Variants in ODAD2 observed in about 807,000 individuals in gnomAD.
ODAD2 encodes outer dynein arm-docking complex subunit 2.
A neutral mutation model predicts 106.8 loss-of-function variants in ODAD2; 89 were observed. The ratio of observed to expected loss-of-function variants is 0.83; its 90% CI spans 0.70 to 0.99. The LOEUF (loss-of-function observed/expected upper bound fraction) is 0.99. Ranked by LOEUF, ODAD2 falls within the 50% of genes least tolerant of loss-of-function variation. The pLI is 0.00. For missense variants in ODAD2, 1,168 were observed against 1,238.5 expected (o/e 0.94, Z 0.85); for synonymous variants, 404 against 436.2 (o/e 0.93, Z 0.92).
intron 17 of ODAD2, among the ~76,000 whole-genome samples, chr10:27,900,340 T>A (rs1240798423): frequency 6.6e-6 from 1 of 152,120 alleles, no homozygotes; most frequent in African/African-American, 2.4e-5. Flanking sequence ...CAAAGGTAGA[T>A]AAATCCACAA....
At chr10:27,860,196 A>C (rs1052339080) in intron 19 of ODAD2, among the ~76,000 whole-genome samples, 1 of 152,188 alleles carries the variant, frequency 6.6e-6, no homozygotes, top group African/African-American at 2.4e-5. Context: ...TCACTCCTGT[A>C]ATCCCAACAC....
chr10:27,833,635 A>C (rs1480936977), intron 19 of ODAD2, among the ~76,000 whole-genome samples: 2 of 152,340 alleles, frequency 1.3e-5, no homozygotes, highest in East Asian at 3.9e-4. Context: ...GTGTGGGACA[A>C]AAAATTGGGG....
intron 17 of ODAD2, among the ~76,000 whole-genome samples, chr10:27,885,527 A>ATATAT (rs1564465114): frequency 1.0e-4 from 2 of 19,144 alleles, no homozygotes; most frequent in African/African-American, 3.8e-4. Context: ...AAAAAAAAAA[A>ATATAT]AAAAAAATAT....
intron 10 of ODAD2, among the ~76,000 whole-genome samples, chr10:27,958,126 T>C (rs1021101508): frequency 1.3e-5 from 2 of 152,222 alleles, no homozygotes; most frequent in Admixed American, 6.5e-5. Flanking sequence ...ATGTGAAGAA[T>C]ATTTACCTGT....
chr10:27,871,710 T>C (rs1482462496), intron 17 of ODAD2, among the ~76,000 whole-genome samples: 3 of 152,188 alleles, frequency 2.0e-5, no homozygotes, highest in Non-Finnish European at 1.5e-5. Context: ...GTTCCATTGG[T>C]CTATATCTCT....
At chr10:27,961,150 T>G (rs986960405) in intron 10 of ODAD2, among the ~76,000 whole-genome samples, 2 of 152,308 alleles carry the variant, frequency 1.3e-5, no homozygotes, top group African/African-American at 4.8e-5. Context: ...GTATATTAAT[T>G]TTATTCTATG....
At chr10:27,901,081 C>G (rs1396659824) in intron 17 of ODAD2, among the ~76,000 whole-genome samples, 2 of 152,160 alleles carry the variant, frequency 1.3e-5, no homozygotes, top group Non-Finnish European at 2.9e-5. Context: ...GGGTTACCCA[C>G]AAAGGGAAGC....
intron 16 of ODAD2, among the ~76,000 whole-genome samples, chr10:27,923,589 A>G (rs997521163): frequency 1.3e-5 from 2 of 152,158 alleles, no homozygotes; most frequent in African/African-American, 2.4e-5. Context: ...ATAAGATAGA[A>G]GACATAAGTA....
intron 17 of ODAD2, among the ~76,000 whole-genome samples, chr10:27,891,142 G>A (rs1424132078): frequency 6.6e-6 from 1 of 152,160 alleles, no homozygotes; most frequent in African/African-American, 2.4e-5. Context: ...AACAGAGGGT[G>A]ATGTCAAATT....
In ODAD2 at chr10:27,995,095, A is replaced by C; in HGVS notation, c.48T>G (p.His16Gln). The C allele has an allele frequency of 6.2e-7, 1 of 1,614,152 alleles. No individual in the cohort carries two copies. The highest frequency in any genetic ancestry group is 1.1e-5 in the South Asian group (1 of 91,078). ...GGGTGATTTCGAGGATTCCAGTTCC[A>C]TGTCCGGCAGCAGTCCACTGCGTCA... ...RKLTQWTAAG[H>Q]GTGILEITPL... The change falls in exon 2 of 20, where the codon CAT becomes CAG. Residue 16 changes from histidine to glutamine, a missense_variant. His to Gln is a conservative substitution (Grantham distance 24). Transcript: ENST00000305242.
At chr10:27,861,082 C>T (rs565871655) in intron 18 of ODAD2, among the ~76,000 whole-genome samples, 1 of 152,262 alleles carries the variant, frequency 6.6e-6, no homozygotes, top group African/African-American at 2.4e-5. Context: ...AGCTCGGCCT[C>T]CTGGATTCAA....
intron 16 of ODAD2, among the ~76,000 whole-genome samples, chr10:27,915,329 A>G (rs56121574): frequency 0.078 from 11,797 of 152,162 alleles, 1,486 homozygotes; most frequent in African/African-American, 0.26. Context: ...GGGAAGTCAA[A>G]GATAAAGGCA....
At chr10:27,844,622 T>A (rs1464193932) in intron 19 of ODAD2, among the ~76,000 whole-genome samples, 1 of 152,208 alleles carries the variant, frequency 6.6e-6, no homozygotes. Flanking sequence ...TCAATTTCTT[T>A]ATCTGTAAAA....
At chr10:27,834,785 T>C (rs967535392) in intron 19 of ODAD2, among the ~76,000 whole-genome samples, 6 of 152,208 alleles carry the variant, frequency 3.9e-5, no homozygotes, top group African/African-American at 1.4e-4. Context: ...AGTGATTCTC[T>C]CTTTTAATTC....
chr10:27,861,419 G>T (rs1464882718), intron 18 of ODAD2, among the ~76,000 whole-genome samples: 4 of 152,176 alleles, frequency 2.6e-5, no homozygotes, highest in Non-Finnish European at 5.9e-5. Context: ...TTAGCTCAAG[G>T]CTAGATTTTC....
intron 17 of ODAD2, among the ~76,000 whole-genome samples, chr10:27,899,646 A>G (rs1454396618): frequency 6.6e-6 from 1 of 152,094 alleles, no homozygotes; most frequent in African/African-American, 2.4e-5. Context: ...GTCTGCCATT[A>G]CTGAGGCTTG....
chr10:27,984,413 C>CA, intron 4 of ODAD2, 123 bp from the exon 5 acceptor site: 1 of 670,792 alleles, frequency 1.5e-6, no homozygotes, highest in Non-Finnish European at 2.5e-6. Flanking sequence ...TTAATTTTAG[C>CA]CGTGCTATAA....
At chr10:27,908,890 T>C (rs1209166032) in intron 16 of ODAD2, among the ~76,000 whole-genome samples, 1 of 152,126 alleles carries the variant, frequency 6.6e-6, no homozygotes, top group Non-Finnish European at 1.5e-5. Flanking sequence ...AGATAAAAAC[T>C]GTCTTAAAAA....
intron 17 of ODAD2, among the ~76,000 whole-genome samples, chr10:27,896,254 T>G (rs1842847194): frequency 6.6e-6 from 1 of 152,228 alleles, no homozygotes; most frequent in Non-Finnish European, 1.5e-5. Context: ...CCTTATTACC[T>G]AATCATAAAA....
Sources: gnomAD v4.1 joint callset for allele counts (sites outside exome capture counted in the v4.1 genomes callset) on GRCh38, gnomAD v4.1.1 for gene constraint, MANE v1.5 for transcripts, NCBI Gene and HGNC (gene_info 2026-07-23, HGNC 2026-07-21) for gene names.